The following CAMKMT variants were observed in gnomAD, a reference collection of about 807,000 sequenced individuals.
CAMKMT encodes CaM KMT.
In CAMKMT, 53 loss-of-function variants were observed where a neutral mutation model predicts 48.0. That is an observed-to-expected ratio of 1.10 (90% CI 0.89 to 1.39). The LOEUF (loss-of-function observed/expected upper bound fraction) is 1.39. Ranked by LOEUF, CAMKMT falls within the 40% of genes most tolerant of loss-of-function variation. The probability of loss-of-function intolerance (pLI) is 0.00; values close to 1 mark genes in which losing one functional copy is unlikely to be tolerated. For synonymous variants in CAMKMT, 165 were observed against 152.3 expected (o/e 1.08, Z -0.61); for missense variants, 428 against 402.7 (o/e 1.06, Z -0.54).
intron 10 of CAMKMT, among the ~76,000 whole-genome samples, chr2:44,770,842 G>A (rs1042433814): frequency 6.6e-6 from 1 of 152,190 alleles, no homozygotes; most frequent in African/African-American, 2.4e-5. Context: ...CAAATCATCT[G>A]TACACAGAAC....
chr2:44,704,056 G>C (rs1558806461), intron 3 of CAMKMT, among the ~76,000 whole-genome samples: 1 of 152,116 alleles, frequency 6.6e-6, no homozygotes, highest in Non-Finnish European at 1.5e-5. Flanking sequence ...TCAAAATTTA[G>C]TATAATTTAT....
intron 6 of CAMKMT, among the ~76,000 whole-genome samples, chr2:44,712,100 T>C (rs1481113108): frequency 3.9e-5 from 6 of 152,142 alleles, no homozygotes; most frequent in African/African-American, 1.2e-4. Context: ...TCAATTCATA[T>C]GAGTAATAAG....
intron 1 of CAMKMT, among the ~76,000 whole-genome samples, chr2:44,363,432 A>G (rs1220236672): frequency 1.3e-5 from 2 of 151,258 alleles, no homozygotes; most frequent in Non-Finnish European, 2.9e-5. Flanking sequence ...GCTGGACTGC[A>G]ATGGCTGCCA....
chr2:44,547,414 G>A (rs908942912), intron 3 of CAMKMT, among the ~76,000 whole-genome samples: 6 of 152,164 alleles, frequency 3.9e-5, no homozygotes, highest in South Asian at 2.1e-4. Context: ...GGGCTACTCC[G>A]AAGGCCGAGG....
intron 3 of CAMKMT, among the ~76,000 whole-genome samples, chr2:44,455,280 G>C (rs1353593900): frequency 1.3e-5 from 2 of 151,364 alleles, no homozygotes; most frequent in African/African-American, 2.4e-5. Flanking sequence ...TCTGAAGATG[G>C]GCAGGATGAA....
intron 3 of CAMKMT, among the ~76,000 whole-genome samples, chr2:44,480,829 T>A (rs1668929446): frequency 6.6e-6 from 1 of 152,094 alleles, no homozygotes; most frequent in Non-Finnish European, 1.5e-5. Context: ...AGCTGTGAAA[T>A]GAATACATTA....
chr2:44,525,139 G>A (rs1415066406), intron 3 of CAMKMT, among the ~76,000 whole-genome samples: 1 of 152,056 alleles, frequency 6.6e-6, no homozygotes, highest in Non-Finnish European at 1.5e-5. Flanking sequence ...AAATTTTATA[G>A]GTTAGATGAC....
chr2:44,548,574 T>A (rs1667531176), intron 3 of CAMKMT, among the ~76,000 whole-genome samples: 1 of 152,166 alleles, frequency 6.6e-6, no homozygotes, highest in African/African-American at 2.4e-5. Context: ...AGGTCCCAAA[T>A]CAGTTGACCA....
intron 10 of CAMKMT, among the ~76,000 whole-genome samples, chr2:44,771,220 T>A (rs1406074070): frequency 6.6e-6 from 1 of 152,168 alleles, no homozygotes; most frequent in Non-Finnish European, 1.5e-5. Context: ...TTTAAAGAAA[T>A]ATTTATTTTT....
intron 3 of CAMKMT, among the ~76,000 whole-genome samples, chr2:44,405,356 A>G (rs1572783114): frequency 6.6e-6 from 1 of 152,122 alleles, no homozygotes; most frequent in Non-Finnish European, 1.5e-5. Context: ...ACAATATTAT[A>G]TAGCAATCAA....
chr2:44,699,896 C>A (rs1042146292), intron 3 of CAMKMT, among the ~76,000 whole-genome samples: 1 of 152,164 alleles, frequency 6.6e-6, no homozygotes, highest in Non-Finnish European at 1.5e-5. Context: ...ATCTTTGAAG[C>A]CAGGCAGTGA....
intron 3 of CAMKMT, among the ~76,000 whole-genome samples, chr2:44,519,292 G>C (rs1670982308): frequency 6.6e-6 from 1 of 152,190 alleles, no homozygotes; most frequent in Non-Finnish European, 1.5e-5. Context: ...TAAACAAACA[G>C]TGACATAAAC....
At chr2:44,673,239 A>G (rs1425469245) in intron 3 of CAMKMT, among the ~76,000 whole-genome samples, 1 of 151,940 alleles carries the variant, frequency 6.6e-6, no homozygotes, top group Non-Finnish European at 1.5e-5. Flanking sequence ...CACCCTGGTC[A>G]ATACAAGGAG....
chr2:44,723,105 A>G (rs1169631096), intron 7 of CAMKMT, among the ~76,000 whole-genome samples: 1 of 152,196 alleles, frequency 6.6e-6, no homozygotes, highest in Non-Finnish European at 1.5e-5. Flanking sequence ...CTTTGTTCTC[A>G]GAATCATTTG....
chr2:44,443,231 T>A (rs895801637), intron 3 of CAMKMT, among the ~76,000 whole-genome samples: 3 of 152,194 alleles, frequency 2.0e-5, no homozygotes, highest in Admixed American at 6.5e-5. Flanking sequence ...CACTGAACTG[T>A]ACTGAAATAT....
Position 44,618,947 on chromosome 2 carries a change from C to A in CAMKMT, c.377-85336C>A, listed in dbSNP as rs1237163417. ...GCCTTTCTGACATCATGCATTTCTC[C>A]CAGACTACTGTAAATTCAGATCTAC... On this transcript the variant is annotated intron_variant, in intron 3 of 10. Transcript: ENST00000378494. The surrounding 1 kb of genome is among the most constrained non-coding windows in gnomAD (Gnocchi z 4.0). 6.6e-6 allele frequency among the ~76,000 whole-genome samples: 1 copy of A among 151,912 alleles called. No individual in the cohort carries two copies. The highest frequency in any genetic ancestry group is 1.5e-5 in the Non-Finnish European group (1 of 67,966).
intron 3 of CAMKMT, among the ~76,000 whole-genome samples, chr2:44,694,193 G>A (rs1236237217): frequency 6.6e-6 from 1 of 152,206 alleles, no homozygotes; most frequent in African/African-American, 2.4e-5. Context: ...TGGATCCTCA[G>A]GTTACTGAAT....
chr2:44,665,641 G>C (rs1045883495), intron 3 of CAMKMT, among the ~76,000 whole-genome samples: 2 of 152,098 alleles, frequency 1.3e-5, no homozygotes, highest in African/African-American at 4.8e-5. Context: ...ACTGTGATTT[G>C]GGTACATTTC....
intron 3 of CAMKMT, among the ~76,000 whole-genome samples, chr2:44,402,700 T>C (rs1283636298): frequency 6.6e-6 from 1 of 150,710 alleles, no homozygotes; most frequent in Non-Finnish European, 1.5e-5. Flanking sequence ...TTGTGCATCC[T>C]GGACAGTTCT....
Sources: allele counts gnomAD v4.1 joint callset (sites outside exome capture counted in the v4.1 genomes callset), GRCh38; gene constraint gnomAD v4.1.1; non-coding constraint Gnocchi (gnomAD v3.1); transcripts MANE v1.5; gene names NCBI Gene and HGNC (gene_info 2026-07-23, HGNC 2026-07-21).